C4orf51: variants seen among roughly 807,000 people sequenced by gnomAD.
The protein encoded by C4orf51 is chromosome 4 open reading frame 51.
In C4orf51, 25 loss-of-function variants were observed where a neutral mutation model predicts 25.2. The observed-to-expected ratio is 0.99, with a 90% confidence interval of 0.72 to 1.39. The LOEUF (loss-of-function observed/expected upper bound fraction) is 1.39, where lower values mean the gene tolerates loss of function less well. Among genes scored for constraint, C4orf51 ranks in the 40% most tolerant of loss-of-function variants. C4orf51 has a pLI of 0.00. For missense variants in C4orf51, 252 were observed against 239.6 expected (o/e 1.05, Z -0.34); for synonymous variants, 100 against 84.5 (o/e 1.18, Z -1.01).
chr4:145,703,872 G>A (rs1015230880), intron 2 of C4orf51, among the ~76,000 whole-genome samples: 2 of 152,236 alleles, frequency 1.3e-5, no homozygotes, highest in African/African-American at 4.8e-5. Context: ...GGGAGCCATA[G>A]GCTCTTGGCT....
At chr4:145,724,859 G>A (rs185996142) in intron 2 of C4orf51, among the ~76,000 whole-genome samples, 1 of 145,386 alleles carries the variant, frequency 6.9e-6, no homozygotes, top group East Asian at 2.0e-4. Flanking sequence ...CTCCAGCCTG[G>A]GTGGCAGAGC....
chr4:145,768,723 T>C (rs1735702648), intron 1 of C4orf51, among the ~76,000 whole-genome samples: 1 of 149,378 alleles, frequency 6.7e-6, no homozygotes, highest in African/African-American at 2.5e-5. Flanking sequence ...CCAGGTGTGG[T>C]GGCATATGCC....
At chr4:145,748,561 G>A (rs1733505655) in intron 1 of C4orf51, among the ~76,000 whole-genome samples, 1 of 151,966 alleles carries the variant, frequency 6.6e-6, no homozygotes, top group Non-Finnish European at 1.5e-5. Flanking sequence ...TATCCCATAG[G>A]TTTTGGTATG....
downstream of C4orf51, among the ~76,000 whole-genome samples, chr4:145,755,113 G>C (rs1733866436): frequency 6.6e-6 from 1 of 152,130 alleles, no homozygotes; most frequent in Admixed American, 6.5e-5. Context: ...TCTTTCAAAA[G>C]GCTGACTTTT....
At chr4:145,791,228 C>CA in the C4orf51 span, among the ~76,000 whole-genome samples, 4 of 152,326 alleles carry the variant, frequency 2.6e-5, no homozygotes, top group South Asian at 8.3e-4. Context: ...TGCTTCCTCA[C>CA]AGACAGCCAT....
intron 1 of C4orf51, among the ~76,000 whole-genome samples, chr4:145,696,106 A>G (rs187473496): frequency 6.6e-6 from 1 of 152,178 alleles, no homozygotes; most frequent in East Asian, 1.9e-4. Flanking sequence ...TACTAAAAAT[A>G]AAAAAATTAG....
the C4orf51 span, among the ~76,000 whole-genome samples, chr4:145,787,378 G>A: frequency 6.6e-6 from 1 of 150,404 alleles, no homozygotes; most frequent in Non-Finnish European, 1.5e-5. Flanking sequence ...CAGGAGAATC[G>A]CTTGAACCCG....
At position 145,726,736 on chromosome 4, in the gene C4orf51, C is replaced by T. The variant is rs1174409104; in HGVS notation, c.308-175C>T. 2.6e-5 allele frequency among the ~76,000 whole-genome samples: 4 copies of T among 152,116 alleles called. No homozygotes were observed. The South Asian group carries it at 8.3e-4, about 32-fold the overall frequency. On this transcript the variant is annotated intron_variant, in intron 2 of 5. Transcript: ENST00000438731. ...ATTACTGTTAACTGTATTGCCTCTACAGTGTTATAGAACAACAAAACTTAC... is the reference window on the plus strand; with the variant it reads ...ATTACTGTTAACTGTATTGCCTCTATAGTGTTATAGAACAACAAAACTTAC...
chr4:145,769,212 C>T (rs1416212813), intron 1 of C4orf51, among the ~76,000 whole-genome samples: 7 of 151,682 alleles, frequency 4.6e-5, no homozygotes, highest in African/African-American at 1.7e-4. Flanking sequence ...AGTCACTGAC[C>T]ATGAGGAGCA....
intron 1 of C4orf51, among the ~76,000 whole-genome samples, chr4:145,747,992 A>G (rs919999318): frequency 6.6e-6 from 1 of 152,066 alleles, no homozygotes; most frequent in Non-Finnish European, 1.5e-5. Context: ...TGAAGCCATC[A>G]TGTCTCAGGC....
intron 1 of C4orf51, among the ~76,000 whole-genome samples, chr4:145,738,201 G>A (rs536736521): frequency 6.6e-6 from 1 of 152,300 alleles, no homozygotes; most frequent in South Asian, 2.1e-4. Flanking sequence ...TGTAATCCCA[G>A]CACTTTGGGA....
the C4orf51 span, among the ~76,000 whole-genome samples, chr4:145,786,805 G>A: frequency 5.3e-5 from 8 of 152,180 alleles, no homozygotes; most frequent in Admixed American, 6.5e-5. Context: ...CAGCTCGTCT[G>A]TATCCCTTTT....
At chr4:145,720,819 C>A (rs918252746) in intron 2 of C4orf51, among the ~76,000 whole-genome samples, 2 of 152,164 alleles carry the variant, frequency 1.3e-5, no homozygotes, top group Non-Finnish European at 2.9e-5. Flanking sequence ...AGGCAGGCTG[C>A]TCCCTCACCT....
chr4:145,749,255 C>T (rs977335209), intron 1 of C4orf51, among the ~76,000 whole-genome samples: 3 of 151,930 alleles, frequency 2.0e-5, no homozygotes, highest in African/African-American at 7.2e-5. Flanking sequence ...TCTTTTTCCA[C>T]CCTTTATTTT....
At chr4:145,716,132 G>C (rs1409364686) in intron 2 of C4orf51, among the ~76,000 whole-genome samples, 1 of 152,176 alleles carries the variant, frequency 6.6e-6, no homozygotes, top group African/African-American at 2.4e-5. Context: ...TAATTAGGGG[G>C]TTGATAGATA....
chr4:145,687,906 G>A (rs1046110940), intron 1 of C4orf51, among the ~76,000 whole-genome samples: 5 of 152,116 alleles, frequency 3.3e-5, no homozygotes, highest in Admixed American at 6.5e-5. Context: ...GGAAAACATC[G>A]CATGATATAA....
At chr4:145,730,574 A>G (rs1397194094) in intron 5 of C4orf51, among the ~76,000 whole-genome samples, 2 of 152,198 alleles carry the variant, frequency 1.3e-5, no homozygotes, top group African/African-American at 4.8e-5. Flanking sequence ...GTTTTTGCAT[A>G]GAAGTTACAA....
chr4:145,737,768 G>C (rs576779323), downstream of C4orf51, among the ~76,000 whole-genome samples: 11 of 152,260 alleles, frequency 7.2e-5, 1 homozygote, highest in South Asian at 2.1e-3. Flanking sequence ...TCACTCCTTC[G>C]TAGATAATCC....
chr4:145,701,356 C>A (rs944945329), intron 2 of C4orf51, among the ~76,000 whole-genome samples: 11 of 152,154 alleles, frequency 7.2e-5, no homozygotes, highest in African/African-American at 2.7e-4. Context: ...GAACCTCCTC[C>A]CCCAGGAGCT....
Sources: allele counts gnomAD v4.1 joint callset (sites outside exome capture counted in the v4.1 genomes callset), GRCh38; gene constraint gnomAD v4.1.1; transcripts MANE v1.5; gene names NCBI Gene and HGNC (gene_info 2026-07-23, HGNC 2026-07-21).